GPR19: variants seen among roughly 807,000 people sequenced by gnomAD.
GPR19 encodes G protein-coupled receptor 19.
A neutral mutation model predicts 28.5 loss-of-function variants in GPR19; 14 were observed. The observed-to-expected ratio is 0.49, with a 90% confidence interval of 0.32 to 0.77. GPR19 has a LOEUF of 0.77. GPR19 is among the 30% of genes least tolerant of loss of function. The pLI is 0.03. For synonymous variants in GPR19, 173 were observed against 184.1 expected, an observed-to-expected ratio of 0.94 and a Z score of 0.49; for missense variants, 409 against 504.1, an observed-to-expected ratio of 0.81 and a Z score of 1.81.
At chr12:12,695,700 A>C (rs890688462) in intron 1 of GPR19, among the ~76,000 whole-genome samples, 189 bp from the exon 2 acceptor site, 5 of 152,252 alleles carry the variant, frequency 3.3e-5, no homozygotes, top group Non-Finnish European at 7.4e-5. Context: ...CCATGTACTA[A>C]ATGCATGCCA....
At chr12:12,691,743 C>G (rs989520062) in intron 2 of GPR19, among the ~76,000 whole-genome samples, 1 of 152,170 alleles carries the variant, frequency 6.6e-6, no homozygotes, top group Non-Finnish European at 1.5e-5. Flanking sequence ...ACTGAATAAG[C>G]ATGACTTTTG....
rs531526107 is a variant in GPR19, at chr12:12,662,038, C to T, written c.411G>A (p.Thr137=). 71 of 1,614,224 alleles carry T rather than the reference C, an allele frequency of 4.4e-5. No individual in the cohort carries two copies. In the African/African-American group the frequency reaches 4.5e-4, roughly 10 times the overall value. ...ATTGAAAATATCGCACAACCTTGCACGTTGCACTACCCAGCGTCCACCTTC... is the reference window on the plus strand; with the variant it reads ...ATTGAAAATATCGCACAACCTTGCATGTTGCACTACCCAGCGTCCACCTTC... ...TTGRWTLGSA[T]CKVVRYFQYL... The change falls in exon 4 of 4, where the codon ACG becomes ACA. Residue 137 remains threonine (T), a synonymous_variant. Coordinates refer to ENST00000651487, the MANE Select transcript of GPR19 (RefSeq NM_006143.3).
chr12:12,676,512 A>G (rs529920950), intron 3 of GPR19, among the ~76,000 whole-genome samples: 2 of 152,304 alleles, frequency 1.3e-5, no homozygotes, highest in African/African-American at 4.8e-5. Flanking sequence ...GATATCAAGG[A>G]TCAGTAGCAT....
intron 3 of GPR19, among the ~76,000 whole-genome samples, chr12:12,676,122 A>C (rs1945927559): frequency 6.6e-6 from 1 of 152,182 alleles, no homozygotes; most frequent in Non-Finnish European, 1.5e-5. Flanking sequence ...AAAAATCTTA[A>C]AGAGTATAGT....
intron 3 of GPR19, among the ~76,000 whole-genome samples, chr12:12,667,177 G>C (rs1053040359): frequency 6.6e-6 from 1 of 152,158 alleles, no homozygotes; most frequent in South Asian, 2.1e-4. Flanking sequence ...GACAAGAAAG[G>C]CTTCTTCACC....
At chr12:12,683,641 T>C (rs1946053992) in intron 3 of GPR19, among the ~76,000 whole-genome samples, 2 of 152,274 alleles carry the variant, frequency 1.3e-5, no homozygotes. Context: ...AGAAAGAACT[T>C]TCTTAAGTAT....
At chr12:12,688,082 T>C (rs1208602874) in intron 2 of GPR19, among the ~76,000 whole-genome samples, 3 of 152,222 alleles carry the variant, frequency 2.0e-5, no homozygotes, top group South Asian at 2.1e-4. Flanking sequence ...ACAAAAGGTG[T>C]TCAAAGTATA....
chr12:12,699,942 TAGAAA>T (rs1946307515), upstream of GPR19, among the ~76,000 whole-genome samples: 1 of 151,344 alleles, frequency 6.6e-6, no homozygotes, highest in Non-Finnish European at 1.5e-5. Context: ...ATGTTTCAAA[TAGAAA>T]AGAGAGTATG....
chr12:12,712,031 CA>C, the GPR19 span, among the ~76,000 whole-genome samples: 3 of 152,220 alleles, frequency 2.0e-5, no homozygotes, highest in African/African-American at 7.2e-5. Context: ...TACTTCCAAA[CA>C]CAAAGATCTG....
the GPR19 span, among the ~76,000 whole-genome samples, chr12:12,710,080 G>A: frequency 1.3e-5 from 2 of 152,236 alleles, no homozygotes; most frequent in Non-Finnish European, 2.9e-5. Flanking sequence ...AGCCAGGTGC[G>A]GTGGCTCACA....
rs771000452 is a variant in GPR19 at position 12,662,298 on chromosome 12, T to C, written c.151A>G (p.Ser51Gly). Residue 51 changes from serine (S) to glycine (G), a missense_variant, in exon 4 of 4, where the codon AGC (serine) becomes GGC (glycine). Physicochemically the swap from Ser to Gly is moderately conservative, Grantham distance 56 (BLOSUM62 0). Coordinates refer to ENST00000651487, the MANE Select transcript of GPR19 (RefSeq NM_006143.3). ...MELSEEHSWM[S>G]NQTDLHYVLK... ...ACATAGTGAAGGTCTGTTTGGTTGC[T>C]CATCCAACTGTGCTCCTCACTTAAT... is the stretch of plus-strand genomic sequence containing the variant. 4.3e-6 allele frequency: 7 copies of C among 1,614,092 alleles called. No homozygotes were observed. Among genetic ancestry groups the C allele is most frequent in the Non-Finnish European group, 5.9e-6 (7 of 1,180,032 alleles).
At position 12,661,840 on chromosome 12, in the gene GPR19, G is replaced by A. The variant is rs1410895783; in HGVS notation, c.609C>T (p.Gly203=). 8 of 1,614,130 alleles carry A rather than the reference G, an allele frequency of 5.0e-6. No individual in the cohort carries two copies. The highest frequency in any genetic ancestry group is 4.2e-6 in the Non-Finnish European group (5 of 1,180,018). Residue 203 remains glycine, a synonymous_variant, in exon 4 of 4, where the codon GGC becomes GGT. Coordinates refer to ENST00000651487, the MANE Select transcript of GPR19 (RefSeq NM_006143.3). The surrounding 1 kb of genome is among the most constrained non-coding windows in gnomAD (Gnocchi z 4.2). ...AGTTACAATGACTGTCCCAGTTGGA[G>A]CCATAGAAAAAGAGCACAGGGGTCA... The part of the protein sequence containing the change: ...GFVTPVLFFY[G]SNWDSHCNYF...
chr12:12,703,911 G>T, the GPR19 span, among the ~76,000 whole-genome samples: 1 of 152,276 alleles, frequency 6.6e-6, no homozygotes, highest in Admixed American at 6.5e-5. Context: ...CGGTTATTTT[G>T]TTTAGAGCAT....
At chr12:12,694,339 C>CA (rs1306849522) in intron 2 of GPR19, among the ~76,000 whole-genome samples, 1 of 151,052 alleles carries the variant, frequency 6.6e-6, no homozygotes, top group Non-Finnish European at 1.5e-5. Context: ...GCTGGGTCTA[C>CA]AGGTGCCCAC....
rs1168031297 is a variant in GPR19 at position 12,661,907 on chromosome 12, T to C, written c.542A>G (p.Lys181Arg). 2 of 1,614,150 alleles carry C rather than the reference T, an allele frequency of 1.2e-6. No homozygotes were observed. The highest frequency in any genetic ancestry group is 3.3e-5 in the Admixed American group (2 of 60,012). ...GACCCACGATGCCGCAATCATTTTC[T>C]TGGCTTTTTCTCTGGACACCTTGAA... ...LSFKVSREKAKKMIAASWVFD... is the reference protein window; with the variant it reads ...LSFKVSREKARKMIAASWVFD... The change falls in exon 4 of 4, where the codon AAG becomes AGG. Residue 181 changes from lysine (K) to arginine (R), a missense_variant. Transcript: ENST00000651487. This position sits in a 1 kb window ranked among gnomAD's most constrained non-coding sequence, Gnocchi z 4.2.
rs955928717 is a variant in GPR19 at position 12,661,375 on chromosome 12, A to C, written c.1074T>G (p.Tyr358Ter). Residue 358 changes from tyrosine (Y) to a stop codon, truncating the protein, a stop_gained, in exon 4 of 4, where the codon TAT (tyrosine) becomes TAG (stop). Coordinates refer to ENST00000651487, the MANE Select transcript of GPR19 (RefSeq NM_006143.3). LOFTEE classifies it high-confidence loss of function. This position sits in a 1 kb window ranked among gnomAD's most constrained non-coding sequence, Gnocchi z 4.2. ...SSMKCYRSNAYTITTSSRMAK... is the reference protein window; with the variant it reads ...SSMKCYRSNA ...CCATCCTTGAACTTGTTGTGATAGT[A>C]TAGGCATTGCTTCGGTAACATTTCA... 1 of 1,613,824 alleles carries C rather than the reference A, an allele frequency of 6.2e-7. No homozygotes were observed. Among genetic ancestry groups the C allele is most frequent in the African/African-American group, 1.3e-5 (1 of 74,918 alleles).
At chr12:12,691,197 A>G (rs1185383644) in intron 2 of GPR19, among the ~76,000 whole-genome samples, 1 of 152,178 alleles carries the variant, frequency 6.6e-6, no homozygotes, top group Non-Finnish European at 1.5e-5. Context: ...AAAAAATAAA[A>G]AGGGCTGTTG....
chr12:12,703,745 G>A, the GPR19 span, among the ~76,000 whole-genome samples: 10 of 152,162 alleles, frequency 6.6e-5, no homozygotes, highest in Admixed American at 1.3e-4. Context: ...TGGAGTTGGA[G>A]TACTTTTCTC....
At chr12:12,680,987 C>T (rs1946010100) in intron 3 of GPR19, among the ~76,000 whole-genome samples, 1 of 152,178 alleles carries the variant, frequency 6.6e-6, no homozygotes. Context: ...CCATGCCTGG[C>T]CTAAGGTCTC....
Sources: gnomAD v4.1 joint callset for allele counts (sites outside exome capture counted in the v4.1 genomes callset) on GRCh38, gnomAD v4.1.1 for gene constraint, Gnocchi (gnomAD v3.1) non-coding constraint, MANE v1.5 for transcripts, NCBI Gene and HGNC (gene_info 2026-07-23, HGNC 2026-07-21) for gene names.